The following RCC1L variants were observed in gnomAD, a reference collection of about 807,000 sequenced individuals.
RCC1L encodes RCC1-like G exchanging factor-like protein.
RCC1L carries 46 observed loss-of-function variants against 58.6 expected under a neutral mutation model. That is an observed-to-expected ratio of 0.79 (90% CI 0.62 to 1.00). The LOEUF is 1.00. Ranked by LOEUF, RCC1L falls within the 50% of genes least tolerant of loss-of-function variation. RCC1L has a pLI of 0.00. For missense variants in RCC1L, 636 were observed against 623.6 expected (o/e 1.02, Z -0.21); for synonymous variants, 281 against 262.9 (o/e 1.07, Z -0.67).
At chr7:75,043,161 G>C (rs1288160450) in intron 10 of RCC1L, 52 bp from the exon 11 acceptor site, 18 of 1,606,540 alleles carry the variant, frequency 1.1e-5, no homozygotes, top group Non-Finnish European at 1.5e-5. Context: ...ACCCGGAGGA[G>C]ACAGGCGCTG....
downstream of RCC1L, among the ~76,000 whole-genome samples, chr7:75,040,586 C>T (rs2131973761): frequency 6.6e-6 from 1 of 152,228 alleles, no homozygotes; most frequent in South Asian, 2.1e-4. Context: ...ATCCCGAACC[C>T]CGCCCAGTGT....
intron 9 of RCC1L, among the ~76,000 whole-genome samples, 191 bp from the exon 10 acceptor site, chr7:75,052,987 C>T (rs905463070): frequency 6.6e-6 from 1 of 151,122 alleles, no homozygotes; most frequent in African/African-American, 2.4e-5. Context: ...ATATCGAAAA[C>T]ACATCCACGG....
intron 8 of RCC1L, chr7:75,056,509 G>T (rs960036335): frequency 1.3e-5 from 20 of 1,499,658 alleles, no homozygotes; most frequent in Non-Finnish European, 1.8e-5. Context: ...TCTTAGAAAT[G>T]ATGTTTTGGT....
At chr7:75,070,362 G>C (rs1389267447) in intron 2 of RCC1L, among the ~76,000 whole-genome samples, 1 of 152,134 alleles carries the variant, frequency 6.6e-6, no homozygotes, top group Non-Finnish European at 1.5e-5. Flanking sequence ...CCTGAGCTCA[G>C]GAGTTCGAGA....
intron 10 of RCC1L, among the ~76,000 whole-genome samples, chr7:75,046,325 G>C (rs1156874472): frequency 6.6e-6 from 1 of 152,230 alleles, no homozygotes. Context: ...GCAGGGACTG[G>C]GCCCCGACCG....
chr7:75,067,930 T>C (rs1194932352), intron 2 of RCC1L, among the ~76,000 whole-genome samples: 1 of 152,112 alleles, frequency 6.6e-6, no homozygotes, highest in Admixed American at 6.6e-5. Context: ...AAAACGAGAC[T>C]GGCATGAGTT....
intron 4 of RCC1L, 141 bp downstream of exon 4, chr7:75,064,441 T>TCC (rs1806387144): frequency 1.2e-6 from 1 of 849,310 alleles, no homozygotes; most frequent in African/African-American, 1.7e-5. Context: ...CAGACAGCAC[T>TCC]CCCCCAGCTT....
In RCC1L at chr7:75,055,906, A is replaced by C; in HGVS notation, c.1226T>G (p.Leu409Arg). The stretch of plus-strand genomic sequence containing the variant: ...CACCGGGCTTGGTAACTTACTGGTC[A>C]GTGCAGCAAAGTGGCTGAGTCCACA... The part of the protein sequence containing the change: ...IRCGLSHFAA[L>R]TNKGELFVWG... The change falls in exon 9 of 11, where the codon CTG becomes CGG. Residue 409 changes from leucine to arginine, a missense_variant. By Grantham distance (102) the Leu-to-Arg change is moderately radical (BLOSUM62 -2). Transcript: ENST00000610322. 6.2e-7 allele frequency: 1 copy of C among 1,613,988 alleles called. No homozygotes were observed. Among genetic ancestry groups the C allele is most frequent in the Non-Finnish European group, 8.5e-7 (1 of 1,179,878 alleles).
At chr7:75,073,267 C>T (rs1554446415) in intron 1 of RCC1L, 147 bp downstream of exon 1, 1 of 447,884 alleles carries the variant, frequency 2.2e-6, no homozygotes, top group African/African-American at 2.0e-5. Context: ...GCCTTCCCCT[C>T]CTGGGCTTGC....
chr7:75,073,597 C>A lies in RCC1L; in HGVS notation c.141G>T (p.Val47=), dbSNP rs1264713343. 9.8e-6 allele frequency: 15 copies of A among 1,531,006 alleles called. No homozygotes were observed. The highest frequency in any genetic ancestry group is 1.3e-5 in the Non-Finnish European group (15 of 1,149,952). 94.8% of individuals were successfully genotyped at this position (1,531,006 alleles called of 1,614,324 possible). A position where few individuals can be genotyped will look rare whatever the true frequency, so the allele number is the denominator to read the frequency against. The change falls in exon 1 of 11, where the codon GTG becomes GTT. Residue 47 remains valine (V), a synonymous_variant. Coordinates refer to ENST00000610322, the MANE Select transcript of RCC1L (RefSeq NM_030798.5). ...CAGCGCGCTCGCCCACGTACTGGACCACGGGCACCTCCGCCTCGGCTTCTG... is the reference window on the plus strand; with the variant it reads ...CAGCGCGCTCGCCCACGTACTGGACAACGGGCACCTCCGCCTCGGCTTCTG... ...EAAEAEAEVP[V]VQYVGERAAR... is the part of the protein sequence containing the mutation.
At chr7:75,058,325 G>A (rs34534444) in intron 7 of RCC1L, 217,650 of 434,450 alleles carry the variant, frequency 0.5, 61,155 homozygotes, top group East Asian at 0.89. Flanking sequence ...CAATCTGCAA[G>A]CGATTCAATT....
chr7:75,027,495 C>T (rs1020358217), exon 11 of RCC1L: 2 of 159,620 alleles, frequency 1.3e-5, no homozygotes, highest in East Asian at 1.9e-4. Context: ...GCACTTTTTA[C>T]GCAGGCAGCT....
intron 5 of RCC1L, among the ~76,000 whole-genome samples, chr7:75,061,592 C>A (rs1584500116): frequency 2.0e-5 from 3 of 152,156 alleles, no homozygotes; most frequent in Non-Finnish European, 1.5e-5. Context: ...CCAGCCCTCT[C>A]TTCTACTTTC....
At chr7:75,038,316 A>G (rs1297548290), downstream of RCC1L, among the ~76,000 whole-genome samples, 1 of 152,150 alleles carries the variant, frequency 6.6e-6, no homozygotes, top group African/African-American at 2.4e-5. Flanking sequence ...CAGTGGTGCA[A>G]TCTTGGCTCA....
chr7:75,028,521 CAGAT>C (rs1274072108), intron 10 of RCC1L, among the ~76,000 whole-genome samples: 7 of 152,064 alleles, frequency 4.6e-5, no homozygotes, highest in African/African-American at 1.4e-4. Flanking sequence ...AAGAAAAGCT[CAGAT>C]AGTCTCAACC....
chr7:75,036,342 G>A (rs1264135965), intron 10 of RCC1L, among the ~76,000 whole-genome samples: 1 of 150,214 alleles, frequency 6.7e-6, no homozygotes, highest in Non-Finnish European at 1.5e-5. Flanking sequence ...GGCTGGTCTC[G>A]AACTCCCGAC....
chr7:75,049,667 T>TC (rs1441379648), intron 10 of RCC1L, among the ~76,000 whole-genome samples: 3 of 139,578 alleles, frequency 2.1e-5, no homozygotes, highest in African/African-American at 8.6e-5. Flanking sequence ...GACCCTGTTT[T>TC]CAAAAAAAAA....
chr7:75,037,964 T>TA (rs1345132411), downstream of RCC1L, among the ~76,000 whole-genome samples: 52 of 152,294 alleles, frequency 3.4e-4, no homozygotes, highest in African/African-American at 1.2e-3. Context: ...GGCTGGTGTT[T>TA]AATGAATTCG....
At chr7:75,057,036 C>T (rs1269958920) in intron 8 of RCC1L, among the ~76,000 whole-genome samples, 1 of 152,104 alleles carries the variant, frequency 6.6e-6, no homozygotes, top group Non-Finnish European at 1.5e-5. Flanking sequence ...TGCAGTGGCG[C>T]AATCTCGGCT....
Sources: gnomAD v4.1 joint callset for allele counts (sites outside exome capture counted in the v4.1 genomes callset) on GRCh38, gnomAD v4.1.1 for gene constraint, MANE v1.5 for transcripts, NCBI Gene and HGNC (gene_info 2026-07-23, HGNC 2026-07-21) for gene names.